The following C2orf76 variants were observed in gnomAD, a reference collection of about 807,000 sequenced individuals.
C2orf76 encodes the protein UPF0538 protein C2orf76.
C2orf76 carries 23 observed loss-of-function variants against 16.9 expected under a neutral mutation model. That is an observed-to-expected ratio of 1.36 (90% CI 0.98 to 1.93). C2orf76 has a LOEUF of 1.93. C2orf76 is among the 30% of genes most tolerant of loss of function. The pLI is 0.00. For missense variants in C2orf76, 152 were observed against 152.6 expected (o/e 1.00, Z 0.02); for synonymous variants, 48 against 52.3 (o/e 0.92, Z 0.35).
the C2orf76 span, among the ~76,000 whole-genome samples, chr2:119,288,477 T>C: frequency 6.6e-6 from 1 of 151,952 alleles, no homozygotes; most frequent in East Asian, 1.9e-4. Context: ...TTTCCAAAGT[T>C]AAACATGAGA....
At chr2:119,325,315 C>G (rs1335246878) in intron 2 of C2orf76, among the ~76,000 whole-genome samples, 3 of 152,048 alleles carry the variant, frequency 2.0e-5, no homozygotes, top group Admixed American at 6.5e-5. Context: ...CAAAAATTAG[C>G]CAGGCGTGGT....
intron 2 of C2orf76, among the ~76,000 whole-genome samples, chr2:119,325,659 G>A (rs1159226216): frequency 2.6e-5 from 4 of 152,044 alleles, no homozygotes; most frequent in Non-Finnish European, 5.9e-5. Context: ...CAGAGTGGCT[G>A]TTCCTTTTAA....
intron 4 of C2orf76, among the ~76,000 whole-genome samples, chr2:119,312,146 G>GCATCAT (rs1193361668): frequency 6.6e-6 from 1 of 152,194 alleles, no homozygotes; most frequent in Non-Finnish European, 1.5e-5. Flanking sequence ...TTCTTTTGCT[G>GCATCAT]CATCATCATC....
At chr2:119,298,767 A>G (rs1028675725), downstream of C2orf76, among the ~76,000 whole-genome samples, 2 of 152,168 alleles carry the variant, frequency 1.3e-5, no homozygotes, top group African/African-American at 4.8e-5. Flanking sequence ...TTTTAGGTTC[A>G]GCACTCAAGT....
At chr2:119,308,803 T>C (rs1040094684) in intron 5 of C2orf76, among the ~76,000 whole-genome samples, 5 of 152,210 alleles carry the variant, frequency 3.3e-5, no homozygotes, top group Non-Finnish European at 7.3e-5. Flanking sequence ...TCACAGCTTG[T>C]CCCTGTTGGC....
In C2orf76 at chr2:119,320,377, T is replaced by C. The variant is rs575763807; in HGVS notation, c.184+777A>G. On this transcript the variant is annotated intron_variant, in intron 3 of 5. Coordinates refer to ENST00000334816, the MANE Select transcript of C2orf76 (RefSeq NM_001322331.2). Reference sequence around the variant, plus strand: ...CTTAATCATCCTTTTTATTCCTTTATCTTATTCAATATTGAGTATGTAAAT... The same window carrying C: ...CTTAATCATCCTTTTTATTCCTTTACCTTATTCAATATTGAGTATGTAAAT... Among the ~76,000 whole-genome samples, 25 of 152,336 alleles carry C rather than the reference T, an allele frequency of 1.6e-4. No homozygotes were observed. In the South Asian group the frequency reaches 5.0e-3, roughly 30 times the overall value.
intron 5 of C2orf76, among the ~76,000 whole-genome samples, chr2:119,303,511 C>T (rs973575044): frequency 5.9e-5 from 9 of 152,174 alleles, no homozygotes; most frequent in Non-Finnish European, 1.3e-4. Context: ...AATTAACATA[C>T]TCTCTAAAAA....
chr2:119,338,477 C>T (rs185242995), intron 2 of C2orf76, among the ~76,000 whole-genome samples: 24 of 152,256 alleles, frequency 1.6e-4, no homozygotes, highest in Admixed American at 1.6e-3. Flanking sequence ...TGTCACTTCT[C>T]TAAAATTTTA....
chr2:119,361,600 A>G (rs945508056), intron 1 of C2orf76, among the ~76,000 whole-genome samples: 1 of 152,222 alleles, frequency 6.6e-6, no homozygotes, highest in South Asian at 2.1e-4. Context: ...AAGAATGTGC[A>G]TAAGTTACAT....
Position 119,339,885 on chromosome 2 carries a change from C to T in C2orf76, c.75G>A (p.Val25=). ...TTTGGTCCAAATTCACTCCGTGATA[C>T]ACTACAGGTTTGAAATTGCGATGTT... ...SFEHRNFKPV[V]YHGVNLDQTV... is the part of the protein sequence containing the mutation. The change falls in exon 2 of 6, where the codon GTG becomes GTA. Residue 25 remains valine, a synonymous_variant. Coordinates refer to ENST00000334816, the MANE Select transcript of C2orf76 (RefSeq NM_001322331.2). The T allele has an allele frequency of 6.2e-7, 1 of 1,612,912 alleles. No individual in the cohort carries two copies. The highest frequency in any genetic ancestry group is 8.5e-7 in the Non-Finnish European group (1 of 1,178,938).
the C2orf76 span, among the ~76,000 whole-genome samples, chr2:119,281,803 C>A: frequency 2.0e-5 from 3 of 152,108 alleles, no homozygotes; most frequent in African/African-American, 7.2e-5. Flanking sequence ...GAGAGGGAAG[C>A]AAGTGAAGTC....
At chr2:119,361,002 C>T (rs1680727687) in intron 1 of C2orf76, among the ~76,000 whole-genome samples, 1 of 152,172 alleles carries the variant, frequency 6.6e-6, no homozygotes, top group Admixed American at 6.5e-5. Flanking sequence ...GTTGTGGCCA[C>T]AAGGCAGTAT....
At chr2:119,363,911 G>C (rs58551732) in intron 1 of C2orf76, among the ~76,000 whole-genome samples, 26,248 of 151,908 alleles carry the variant, frequency 0.17, 2,433 homozygotes, top group East Asian at 0.23. Flanking sequence ...CCAGCTACTC[G>C]GGAGGCTGAG....
At chr2:119,305,942 C>CAAAAAAAAAA (rs61325292) in intron 5 of C2orf76, among the ~76,000 whole-genome samples, 1 of 119,674 alleles carries the variant, frequency 8.4e-6, no homozygotes, top group East Asian at 2.3e-4. Context: ...AAAACAACAA[C>CAAAAAAAAAA]AAAAAAAAAA....
chr2:119,310,092 A>G (rs1322062044), intron 5 of C2orf76, among the ~76,000 whole-genome samples: 4 of 152,202 alleles, frequency 2.6e-5, no homozygotes, highest in Admixed American at 6.5e-5. Flanking sequence ...TGAAATGTCA[A>G]CTTTATCATC....
At chr2:119,365,443 A>T (rs535326762) in intron 1 of C2orf76, among the ~76,000 whole-genome samples, 46 of 152,358 alleles carry the variant, frequency 3.0e-4, no homozygotes, top group Non-Finnish European at 4.7e-4. Flanking sequence ...AATTATGCTC[A>T]GACTGAAAAC....
intron 1 of C2orf76, among the ~76,000 whole-genome samples, chr2:119,342,608 T>G (rs537709184): frequency 6.7e-6 from 1 of 149,938 alleles, no homozygotes; most frequent in Non-Finnish European, 1.5e-5. Flanking sequence ...CAAGACTCGG[T>G]CTCAAAAAAC....
At chr2:119,307,690 C>T (rs1366813654) in intron 5 of C2orf76, among the ~76,000 whole-genome samples, 6 of 152,064 alleles carry the variant, frequency 3.9e-5, no homozygotes, top group Non-Finnish European at 8.8e-5. Context: ...GTTTGGAGTC[C>T]TCACAACACC....
At chr2:119,340,018 T>G in intron 1 of C2orf76, 47 bp from the exon 2 acceptor site, 1 of 1,581,286 alleles carries the variant, frequency 6.3e-7, no homozygotes, top group Non-Finnish European at 8.7e-7. Context: ...CAGCTCACAG[T>G]TGTCTACCAG....
Sources: gnomAD v4.1 joint callset for allele counts (sites outside exome capture counted in the v4.1 genomes callset) on GRCh38, gnomAD v4.1.1 for gene constraint, MANE v1.5 for transcripts, NCBI Gene and HGNC (gene_info 2026-07-23, HGNC 2026-07-21) for gene names.